Variants in CAPN8 observed in about 807,000 individuals in gnomAD.
CAPN8 encodes the protein calpain 8.
A neutral mutation model predicts 80.9 loss-of-function variants in CAPN8; 87 were observed. The ratio of observed to expected loss-of-function variants is 1.07; its 90% CI spans 0.90 to 1.28. CAPN8 has a LOEUF of 1.28. Among genes scored for constraint, CAPN8 ranks in the 50% most tolerant of loss-of-function variants. CAPN8 has a pLI of 0.00. For synonymous variants in CAPN8, 299 were observed against 273.8 expected (o/e 1.09, Z -0.91); for missense variants, 757 against 702.0 (o/e 1.08, Z -0.89).
At chr1:223,552,158 G>A (rs1572224185) in intron 14 of CAPN8, among the ~76,000 whole-genome samples, 3 of 152,304 alleles carry the variant, frequency 2.0e-5, no homozygotes, top group African/African-American at 7.2e-5. Flanking sequence ...CCGCTAGCCA[G>A]GCCCTGGCAA....
At chr1:223,631,510 C>G (rs1452849386) in intron 2 of CAPN8, among the ~76,000 whole-genome samples, 1 of 152,220 alleles carries the variant, frequency 6.6e-6, no homozygotes, top group African/African-American at 2.4e-5. Flanking sequence ...TCTCTGACCT[C>G]TTCTTGCAAA....
rs1319918538 is a variant in CAPN8, at chr1:223,627,021, A to G, written c.697T>C (p.Cys233Arg). 1.3e-6 allele frequency: 2 copies of G among 1,551,938 alleles called. No individual in the cohort carries two copies. The highest frequency in any genetic ancestry group is 3.9e-5 in the Admixed American group (2 of 51,000). The change falls in exon 5 of 21, where the codon TGT (cysteine) becomes CGT (arginine). Residue 233 changes from cysteine (C) to arginine (R), a missense_variant. Transcript: ENST00000366872. ...GAGCAGCCCAGCAGAGACCCCGCAC[A>G]GAGGGCCTTCCGGATGATCTGATAT... ...NLYQIIRKALCAGSLLGCSID... is the reference protein window; with the variant it reads ...NLYQIIRKALRAGSLLGCSID...
At chr1:223,620,543 G>A (rs1222823103) in intron 7 of CAPN8, among the ~76,000 whole-genome samples, 2 of 152,116 alleles carry the variant, frequency 1.3e-5, no homozygotes, top group African/African-American at 4.8e-5. Flanking sequence ...TTACTCTCTA[G>A]GGCAAATTTG....
chr1:223,622,766 C>T (rs1391320952), intron 7 of CAPN8, 49 bp downstream of exon 7: 1 of 1,411,368 alleles, frequency 7.1e-7, no homozygotes. Context: ...TACACGACAC[C>T]CTTCCGCAGA....
chr1:223,554,018 G>A, intron 13 of CAPN8, 118 bp from the exon 14 acceptor site: 1 of 395,066 alleles, frequency 2.5e-6, no homozygotes, highest in East Asian at 3.6e-5. Context: ...TATGTGCCAG[G>A]CTTTGGGCTA....
At chr1:223,623,154 T>G (rs542803869) in intron 6 of CAPN8, among the ~76,000 whole-genome samples, 37 of 152,386 alleles carry the variant, frequency 2.4e-4, no homozygotes, top group African/African-American at 8.7e-4. Flanking sequence ...TTATGTCTGC[T>G]TTAACTCAGA....
At chr1:223,640,239 G>A (rs530692998) in intron 2 of CAPN8, among the ~76,000 whole-genome samples, 82 of 152,170 alleles carry the variant, frequency 5.4e-4, no homozygotes, top group Middle Eastern at 3.4e-3. Flanking sequence ...GATAAGATAC[G>A]CAAGGTGCCT....
chr1:223,628,690 T>G lies in CAPN8; in HGVS notation c.398A>C (p.Glu133Ala), dbSNP rs1160210400. The G allele has an allele frequency of 1.9e-6, 3 of 1,551,736 alleles. No individual in the cohort carries two copies. The South Asian group carries it at 3.6e-5, about 18-fold the overall frequency. Reference protein sequence around the residue: ...RVVPRDQDFQENYAGIFHFQF... With the variant: ...RVVPRDQDFQANYAGIFHFQF... Reference sequence around the variant, plus strand: ...AAAGTGAAAGATTCCCGCATAGTTCTCCTGGAAGTCCTGGTCCCTGGGGAC... The same window carrying G: ...AAAGTGAAAGATTCCCGCATAGTTCGCCTGGAAGTCCTGGTCCCTGGGGAC... Residue 133 changes from glutamate (E) to alanine (A), a missense_variant, in exon 3 of 21, where the codon GAG becomes GCG. Transcript: ENST00000366872.
At chr1:223,643,253 C>T (rs535672968) in intron 2 of CAPN8, among the ~76,000 whole-genome samples, 1 of 152,246 alleles carries the variant, frequency 6.6e-6, no homozygotes, top group African/African-American at 2.4e-5. Flanking sequence ...CCCTGACACA[C>T]TGTCAAGTGT....
At chr1:223,658,709 G>A (rs1658560998) in intron 1 of CAPN8, among the ~76,000 whole-genome samples, 1 of 152,170 alleles carries the variant, frequency 6.6e-6, no homozygotes, top group Non-Finnish European at 1.5e-5. Context: ...AGGAGGCTGA[G>A]GCATAAGAAT....
intron 10 of CAPN8, among the ~76,000 whole-genome samples, chr1:223,614,192 A>G (rs1214677287): frequency 1.3e-5 from 2 of 152,176 alleles, no homozygotes; most frequent in Non-Finnish European, 2.9e-5. Flanking sequence ...TGAGGTCAGG[A>G]ATTTGAGACC....
intron 1 of CAPN8, among the ~76,000 whole-genome samples, chr1:223,659,298 C>T (rs1046504996): frequency 1.3e-5 from 2 of 152,138 alleles, no homozygotes; most frequent in East Asian, 1.9e-4. Flanking sequence ...GTTTTTAGAA[C>T]CCCCAGAGAT....
intron 2 of CAPN8, among the ~76,000 whole-genome samples, chr1:223,640,901 T>G (rs551505922): frequency 5.3e-5 from 8 of 152,126 alleles, no homozygotes; most frequent in Non-Finnish European, 1.2e-4. Context: ...AAAGTAACAC[T>G]GAACATTTTG....
chr1:223,549,703 A>G (rs967005851), intron 15 of CAPN8: 3 of 478,218 alleles, frequency 6.3e-6, no homozygotes, highest in Middle Eastern at 3.8e-4. Flanking sequence ...AATAATCATG[A>G]TAGTAACAAT....
intron 14 of CAPN8, among the ~76,000 whole-genome samples, 197 bp from the exon 15 acceptor site, chr1:223,551,214 C>T (rs888428715): frequency 4.6e-5 from 7 of 152,174 alleles, no homozygotes; most frequent in Non-Finnish European, 7.3e-5. Flanking sequence ...GCAATCTCTG[C>T]TCACTGCAAC....
At chr1:223,647,938 T>G (rs977638173) in intron 2 of CAPN8, among the ~76,000 whole-genome samples, 8 of 152,218 alleles carry the variant, frequency 5.3e-5, no homozygotes, top group African/African-American at 1.2e-4. Context: ...AAATCACCCC[T>G]GATTTCCATG....
At chr1:223,664,350 T>C (rs1218787768) in intron 1 of CAPN8, among the ~76,000 whole-genome samples, 1 of 152,190 alleles carries the variant, frequency 6.6e-6, no homozygotes, top group African/African-American at 2.4e-5. Context: ...TGCCAGCTGA[T>C]TGCATCCAGC....
intron 1 of CAPN8, among the ~76,000 whole-genome samples, chr1:223,660,698 G>A (rs114832354): frequency 7.3e-4 from 111 of 152,296 alleles, no homozygotes; most frequent in African/African-American, 2.5e-3. Context: ...GTACATACAT[G>A]TTCAACCCAT....
At position 223,542,371 on chromosome 1, in the gene CAPN8, A is replaced by G. The variant is rs554150278; in HGVS notation, c.2089-512T>C. Reference sequence around the variant, plus strand: ...CATTTTAGGTTCCACACTATTGTCCAGGTATCTGTGGGAATCCACAGGTCT... The same window carrying G: ...CATTTTAGGTTCCACACTATTGTCCGGGTATCTGTGGGAATCCACAGGTCT... On this transcript the variant is annotated intron_variant, in intron 20 of 20. Transcript: ENST00000366872. Among the ~76,000 whole-genome samples, 5 of 152,298 alleles carry G rather than the reference A, an allele frequency of 3.3e-5. No homozygotes were observed. In the South Asian group the frequency reaches 1.0e-3, roughly 32 times the overall value.
Sources: allele counts gnomAD v4.1 joint callset (sites outside exome capture counted in the v4.1 genomes callset), GRCh38; gene constraint gnomAD v4.1.1; transcripts MANE v1.5; gene names NCBI Gene and HGNC (gene_info 2026-07-23, HGNC 2026-07-21).